CD226: variants seen among roughly 807,000 people sequenced by gnomAD.
CD226 encodes CD226 antigen.
A neutral mutation model predicts 34.9 loss-of-function variants in CD226; 24 were observed. The observed-to-expected ratio is 0.69, with a 90% CI of 0.50 to 0.97. The LOEUF (loss-of-function observed/expected upper bound fraction) is 0.97, where lower values mean the gene tolerates loss of function less well. CD226 is among the 50% of genes least tolerant of loss of function. The pLI is 0.00. For synonymous variants in CD226, 148 were observed against 147.4 expected (o/e 1.00, Z -0.03); for missense variants, 397 against 412.7 (o/e 0.96, Z 0.33).
At chr18:69,918,207 C>T (rs1266889696) in intron 2 of CD226, among the ~76,000 whole-genome samples, 3 of 152,146 alleles carry the variant, frequency 2.0e-5, no homozygotes, top group African/African-American at 4.8e-5. Context: ...ACTTCAATTA[C>T]AAATTCAGTT....
intron 2 of CD226, among the ~76,000 whole-genome samples, chr18:69,901,627 T>TC (rs35241347): frequency 0.3 from 45,989 of 151,918 alleles, 7,282 homozygotes; most frequent in Middle Eastern, 0.54. Flanking sequence ...ACACCTGTAA[T>TC]CCAGCACTTT....
chr18:69,864,276 T>C lies in CD226; in HGVS notation c.*38A>G. On this transcript the variant is annotated 3_prime_UTR_variant, in exon 6 of 6. Coordinates refer to ENST00000582621, the MANE Select transcript of CD226 (RefSeq NM_001303618.2). ...GCATAAAGATCCATGCATGAGTACATAAGAGTCATTACTAATGCACTCATG... is the reference window on the plus strand; with the variant it reads ...GCATAAAGATCCATGCATGAGTACACAAGAGTCATTACTAATGCACTCATG... The C allele has an allele frequency of 6.2e-7, 1 of 1,608,434 alleles. No individual in the cohort carries two copies. Among genetic ancestry groups the C allele is most frequent in the Non-Finnish European group, 8.5e-7 (1 of 1,175,398 alleles).
intron 2 of CD226, among the ~76,000 whole-genome samples, chr18:69,939,576 A>T (rs899417156): frequency 6.6e-6 from 1 of 152,172 alleles, no homozygotes; most frequent in African/African-American, 2.4e-5. Flanking sequence ...TATTGTCAGG[A>T]ATTTTCCCTA....
chr18:69,943,871 T>C (rs958377381), intron 2 of CD226, among the ~76,000 whole-genome samples: 1 of 151,716 alleles, frequency 6.6e-6, no homozygotes, highest in Non-Finnish European at 1.5e-5. Context: ...TATCAATAAA[T>C]AGCAAAAAAT....
rs759175670 is a variant in CD226 at position 69,895,997 on chromosome 18, G to C, written c.431C>G (p.Pro144Arg). The change falls in exon 3 of 6, where the codon CCT (proline) becomes CGT (arginine). Residue 144 changes from proline (P) to arginine (R), a missense_variant. Coordinates refer to ENST00000582621, the MANE Select transcript of CD226 (RefSeq NM_001303618.2). ...ACAAGTGAGTGTGACATTCTTTCCA[G>C]GTTCCGAAACAATGTGGCTATTTGA... ...VPSNSHIVSE[P>R]GKNVTLTCQP... 1 of 1,613,288 alleles carries C rather than the reference G, an allele frequency of 6.2e-7. No homozygotes were observed. The highest frequency in any genetic ancestry group is 8.5e-7 in the Non-Finnish European group (1 of 1,179,996).
intron 1 of CD226, among the ~76,000 whole-genome samples, chr18:69,952,993 A>T (rs1049358816): frequency 6.6e-6 from 1 of 152,228 alleles, no homozygotes. Context: ...AGGAAACACA[A>T]ATAAGAACCA....
intron 3 of CD226, among the ~76,000 whole-genome samples, chr18:69,878,169 C>A (rs973347478): frequency 7.9e-5 from 12 of 152,150 alleles, no homozygotes; most frequent in Non-Finnish European, 1.3e-4. Flanking sequence ...AAAGGAAGCC[C>A]TTTTCTTTAA....
intron 1 of CD226, among the ~76,000 whole-genome samples, chr18:69,953,730 T>C (rs372655552): frequency 6.6e-6 from 1 of 152,214 alleles, no homozygotes; most frequent in African/African-American, 2.4e-5. Context: ...CCTGGTGTGG[T>C]GGCTCACACC....
upstream of CD226, among the ~76,000 whole-genome samples, chr18:69,958,165 C>A (rs2055911463): frequency 6.6e-6 from 1 of 152,182 alleles, no homozygotes; most frequent in Non-Finnish European, 1.5e-5. Flanking sequence ...ATACTTGCCA[C>A]ATCCTATTAT....
intron 2 of CD226, among the ~76,000 whole-genome samples, chr18:69,939,880 G>GT (rs1458686271): frequency 1.5e-4 from 23 of 152,190 alleles, no homozygotes; most frequent in African/African-American, 5.5e-4. Context: ...GCTCTCCTGG[G>GT]TCTGCAGCCT....
chr18:69,940,123 C>T (rs1185335794), intron 2 of CD226, among the ~76,000 whole-genome samples: 1 of 152,160 alleles, frequency 6.6e-6, no homozygotes, highest in Non-Finnish European at 1.5e-5. Flanking sequence ...TTCCCCTGCT[C>T]TGGGCACTCA....
chr18:69,938,307 CCT>C (rs1477500228), intron 2 of CD226, among the ~76,000 whole-genome samples: 4 of 152,142 alleles, frequency 2.6e-5, no homozygotes, highest in Non-Finnish European at 2.9e-5. Flanking sequence ...CAACTCTCCC[CCT>C]CTTTTCTCTA....
intron 3 of CD226, among the ~76,000 whole-genome samples, chr18:69,885,290 A>G (rs890779340): frequency 6.6e-6 from 1 of 152,224 alleles, no homozygotes; most frequent in Admixed American, 6.5e-5. Flanking sequence ...GAATGTTTTA[A>G]TATGGAAAAT....
At chr18:69,934,315 C>T (rs891438276) in intron 2 of CD226, among the ~76,000 whole-genome samples, 2 of 152,100 alleles carry the variant, frequency 1.3e-5, no homozygotes, top group Non-Finnish European at 2.9e-5. Flanking sequence ...CACACACGCA[C>T]GCACACCCCT....
At chr18:69,936,081 G>A (rs963502517) in intron 2 of CD226, among the ~76,000 whole-genome samples, 3 of 152,258 alleles carry the variant, frequency 2.0e-5, no homozygotes, top group Non-Finnish European at 2.9e-5. Context: ...CCCAGGCATC[G>A]AGACAGACGG....
In CD226 at chr18:69,861,737, G is replaced by A. The variant is rs1003887985; in HGVS notation, c.*2577C>T. 4 of 151,654 alleles carry A rather than the reference G, an allele frequency of 2.6e-5. No individual in the cohort carries two copies. The highest frequency in any genetic ancestry group is 7.3e-5 in the African/African-American group (3 of 41,330). 9.4% of individuals were successfully genotyped at this position (151,654 alleles called of 1,614,324 possible). On this transcript the variant is annotated 3_prime_UTR_variant, in exon 6 of 6. Coordinates refer to ENST00000582621, the MANE Select transcript of CD226 (RefSeq NM_001303618.2). ...ATAGGTGCAAAAGAGTAGAGGGGGAGAAACATACACTAGGGAGAGTCCCAA... is the reference window on the plus strand; with the variant it reads ...ATAGGTGCAAAAGAGTAGAGGGGGAAAAACATACACTAGGGAGAGTCCCAA...
At chr18:69,886,138 G>C (rs1343288832) in intron 3 of CD226, among the ~76,000 whole-genome samples, 1 of 152,152 alleles carries the variant, frequency 6.6e-6, no homozygotes, top group Non-Finnish European at 1.5e-5. Flanking sequence ...AAGCCAGTCA[G>C]CCCGCATCTG....
chr18:69,899,412 A>G lies in CD226; in HGVS notation c.383-3367T>C, dbSNP rs574121205. 9.3e-4 allele frequency among the ~76,000 whole-genome samples: 141 copies of G among 152,350 alleles called. 1 individual carries two copies. Among genetic ancestry groups the G allele is most frequent in the African/African-American group, 3.3e-3 (138 of 41,590 alleles). ...CCTCTGTATAGCTAGACCATTTTAC[A>G]CTGCTCTGTACTTAGCACCTAGAAC... On this transcript the variant is annotated intron_variant, in intron 2 of 5. Coordinates refer to ENST00000582621, the MANE Select transcript of CD226 (RefSeq NM_001303618.2).
intron 2 of CD226, among the ~76,000 whole-genome samples, chr18:69,914,272 A>C (rs2055359961): frequency 6.6e-6 from 1 of 152,212 alleles, no homozygotes; most frequent in Admixed American, 6.5e-5. Flanking sequence ...CGACTGCTTC[A>C]AGTCAATCAC....
Sources: allele counts gnomAD v4.1 joint callset (sites outside exome capture counted in the v4.1 genomes callset), GRCh38; gene constraint gnomAD v4.1.1; transcripts MANE v1.5; gene names NCBI Gene and HGNC (gene_info 2026-07-23, HGNC 2026-07-21).